SPECC1L: variants seen among roughly 807,000 people sequenced by gnomAD.
SPECC1L encodes the protein sperm antigen with calponin homology and coiled-coil domains 1 like.
Under a neutral mutation model 116.8 loss-of-function variants are expected in SPECC1L, and 40 were observed. The observed-to-expected ratio is 0.34, with a 90% CI of 0.27 to 0.45. The LOEUF is 0.45. Ranked by LOEUF, SPECC1L falls within the 20% of genes least tolerant of loss-of-function variation. The probability of loss-of-function intolerance (pLI) is 1.00; values close to 1 mark genes in which losing one functional copy is unlikely to be tolerated. For missense variants in SPECC1L, 1,110 were observed against 1,373.6 expected, an observed-to-expected ratio of 0.81 and a Z score of 3.03; for synonymous variants, 504 against 500.6, an observed-to-expected ratio of 1.01 and a Z score of -0.09.
intron 11 of SPECC1L, among the ~76,000 whole-genome samples, chr22:24,347,893 C>A (rs1245960688): frequency 6.6e-6 from 1 of 152,146 alleles, no homozygotes; most frequent in Non-Finnish European, 1.5e-5. Context: ...CCATACTGGT[C>A]TCAAACTCCT....
chr22:24,313,950 G>A (rs999335401), intron 4 of SPECC1L, among the ~76,000 whole-genome samples: 3 of 152,018 alleles, frequency 2.0e-5, no homozygotes, highest in African/African-American at 7.3e-5. Flanking sequence ...TGTTGGTCAG[G>A]CTGGTCTCGA....
chr22:24,311,804 CAAAAAAAAAAAAAAA>C, intron 3 of SPECC1L, among the ~76,000 whole-genome samples: 1 of 46,568 alleles, frequency 2.1e-5, no homozygotes, highest in East Asian at 7.4e-4. Flanking sequence ...GACTTTGTCT[CAAAAAAAAAAAAAAA>C]AAAAAAAAAG....
intron 14 of SPECC1L, among the ~76,000 whole-genome samples, chr22:24,387,775 C>G (rs1487925912): frequency 6.6e-6 from 1 of 152,096 alleles, no homozygotes; most frequent in Non-Finnish European, 1.5e-5. Flanking sequence ...TATTTTTCAT[C>G]TTAGAATTGT....
intron 12 of SPECC1L, among the ~76,000 whole-genome samples, chr22:24,364,333 G>T (rs927587222): frequency 6.6e-6 from 1 of 152,136 alleles, no homozygotes; most frequent in African/African-American, 2.4e-5. Flanking sequence ...GACTTGATAC[G>T]TTTTGGTTTT....
intron 14 of SPECC1L, among the ~76,000 whole-genome samples, chr22:24,398,776 A>G (rs781661843): frequency 6.6e-6 from 1 of 152,112 alleles, no homozygotes; most frequent in Non-Finnish European, 1.5e-5. Flanking sequence ...TCCTCAAACA[A>G]TCCAGTTCCC....
chr22:24,368,703 A>G (rs890632657), intron 13 of SPECC1L, among the ~76,000 whole-genome samples: 12 of 152,240 alleles, frequency 7.9e-5, no homozygotes, highest in African/African-American at 2.2e-4. Context: ...CTGGAGTGCA[A>G]TGGCGTAATC....
At chr22:24,377,669 A>G (rs1243282605) in intron 14 of SPECC1L, among the ~76,000 whole-genome samples, 1 of 152,198 alleles carries the variant, frequency 6.6e-6, no homozygotes, top group Non-Finnish European at 1.5e-5. Flanking sequence ...GAGCTGCAGA[A>G]TGGATGTTGT....
chr22:24,365,347 G>A, intron 12 of SPECC1L, 129 bp from the exon 13 acceptor site: 1 of 817,348 alleles, frequency 1.2e-6, no homozygotes, highest in Middle Eastern at 2.7e-4. Flanking sequence ...ATACTTTCCA[G>A]TTATCAATAT....
chr22:24,413,969 A>G (rs1045641884), intron 16 of SPECC1L, among the ~76,000 whole-genome samples: 7 of 152,030 alleles, frequency 4.6e-5, no homozygotes, highest in African/African-American at 1.7e-4. Flanking sequence ...GCTGTGAGAC[A>G]CTGGAGTGAG....
intron 1 of SPECC1L, among the ~76,000 whole-genome samples, chr22:24,271,305 C>T (rs2048722035): frequency 1.3e-5 from 2 of 152,244 alleles, no homozygotes; most frequent in South Asian, 2.1e-4. Context: ...AGGCCGGGTG[C>T]GACCCTCGTG....
intron 14 of SPECC1L, among the ~76,000 whole-genome samples, chr22:24,406,596 G>T (rs5751862): frequency 2.0e-5 from 3 of 151,916 alleles, no homozygotes; most frequent in Non-Finnish European, 2.9e-5. Context: ...TGGCAGGTAG[G>T]GGGTGGAGAA....
At chr22:24,403,741 G>A (rs2042527459) in intron 14 of SPECC1L, among the ~76,000 whole-genome samples, 1 of 152,228 alleles carries the variant, frequency 6.6e-6, no homozygotes, top group Non-Finnish European at 1.5e-5. Context: ...TTCTAGGCAA[G>A]GTCTGTGAAA....
At chr22:24,327,422 C>T (rs751717512) in intron 6 of SPECC1L, among the ~76,000 whole-genome samples, 21 of 150,510 alleles carry the variant, frequency 1.4e-4, no homozygotes, top group Non-Finnish European at 2.8e-4. Context: ...AAAGAAAGAA[C>T]ATCAGCATAC....
chr22:24,351,961 C>T (rs1038310123), intron 11 of SPECC1L, among the ~76,000 whole-genome samples: 1 of 151,288 alleles, frequency 6.6e-6, no homozygotes, highest in Non-Finnish European at 1.5e-5. Context: ...TGCACTCCAG[C>T]CTGGGGAATA....
intron 6 of SPECC1L, among the ~76,000 whole-genome samples, chr22:24,327,167 C>T (rs1402455740): frequency 6.6e-6 from 1 of 151,010 alleles, no homozygotes; most frequent in Non-Finnish European, 1.5e-5. Context: ...AATCCCATCT[C>T]CACAGGAGGC....
intron 11 of SPECC1L, among the ~76,000 whole-genome samples, chr22:24,361,652 C>T (rs1338748927): frequency 1.3e-5 from 2 of 151,598 alleles, no homozygotes; most frequent in African/African-American, 4.9e-5. Context: ...AAAAATTAGT[C>T]AGGTGTGGTG....
intron 14 of SPECC1L, among the ~76,000 whole-genome samples, chr22:24,402,080 C>T (rs2042487757): frequency 1.5e-5 from 2 of 131,472 alleles, no homozygotes; most frequent in African/African-American, 2.7e-5. Flanking sequence ...AGGCAAGACT[C>T]TCCCTGAAAA....
chr22:24,405,957 G>A (rs1292205874), intron 14 of SPECC1L, among the ~76,000 whole-genome samples: 3 of 152,172 alleles, frequency 2.0e-5, no homozygotes, highest in Admixed American at 2.0e-4. Flanking sequence ...CCAGGGTAGT[G>A]TGCCCAGGAA....
At chr22:24,397,888 G>A (rs2042398105) in intron 14 of SPECC1L, among the ~76,000 whole-genome samples, 1 of 152,206 alleles carries the variant, frequency 6.6e-6, no homozygotes. Context: ...TGAAGAGTGT[G>A]CCAGGTTTAC....
Sources: allele counts gnomAD v4.1 joint callset (sites outside exome capture counted in the v4.1 genomes callset), GRCh38; gene constraint gnomAD v4.1.1; transcripts MANE v1.5; gene names NCBI Gene and HGNC (gene_info 2026-07-23, HGNC 2026-07-21).